Variants in LHPP observed in about 807,000 individuals in gnomAD.
The protein encoded by LHPP is phospholysine phosphohistidine inorganic pyrophosphate phosphatase, also known as hLHPP.
A neutral mutation model predicts 30.3 loss-of-function variants in LHPP; 24 were observed. That is an observed-to-expected ratio of 0.79 (90% confidence interval 0.57 to 1.11). The LOEUF (loss-of-function observed/expected upper bound fraction) is 1.11, where lower values mean the gene tolerates loss of function less well. Ranked by LOEUF, LHPP falls within the 50% of genes most tolerant of loss-of-function variation. The pLI is 0.00. For missense variants in LHPP, 356 were observed against 367.2 expected, an observed-to-expected ratio of 0.97 and a Z score of 0.25; for synonymous variants, 150 against 157.1, an observed-to-expected ratio of 0.95 and a Z score of 0.34.
Position 124,613,476 on chromosome 10 carries a change from C to T in LHPP, c.*116C>T, listed in dbSNP as rs556465458. On this transcript the variant is annotated 3_prime_UTR_variant, in exon 7 of 7. Coordinates refer to ENST00000368842, the MANE Select transcript of LHPP (RefSeq NM_022126.4). ...GAGAGCCCCACCTCCTCCACCCCTGCCTCTCCTCCACCCCTGCCTCCCCTC... is the reference window on the plus strand; with the variant it reads ...GAGAGCCCCACCTCCTCCACCCCTGTCTCTCCTCCACCCCTGCCTCCCCTC... 2,268 of 712,148 alleles carry T rather than the reference C, an allele frequency of 3.2e-3. 7 individuals carry two copies. Among genetic ancestry groups the T allele is most frequent in the Non-Finnish European group, 4.1e-3 (1,683 of 410,304 alleles). The allele number at this position is 712,148 out of a possible 1,614,324, so 44.1% of individuals were successfully genotyped here. A position where few individuals can be genotyped will look rare whatever the true frequency, so the allele number is the denominator to read the frequency against.
chr10:124,520,575 T>C (rs891799729), intron 6 of LHPP, among the ~76,000 whole-genome samples: 20 of 152,258 alleles, frequency 1.3e-4, no homozygotes, highest in Non-Finnish European at 2.8e-4. Context: ...CCTTTTGATT[T>C]GTTTGTAAGG....
intron 1 of LHPP, among the ~76,000 whole-genome samples, chr10:124,477,927 G>A (rs897861219): frequency 1.3e-5 from 2 of 152,084 alleles, no homozygotes; most frequent in South Asian, 4.2e-4. Context: ...TGGCCTGGGT[G>A]CTCACTGCCC....
chr10:124,576,529 GC>G lies in LHPP; in HGVS notation c.717-36730del, dbSNP rs1948665344. On this transcript the variant is annotated intron_variant, in intron 6 of 6. Coordinates refer to ENST00000368842, the MANE Select transcript of LHPP (RefSeq NM_022126.4). This position sits in a 1 kb window ranked among gnomAD's most constrained non-coding sequence, Gnocchi z 4.2. ...GTTCCCAGACCCCCCTCCATGGCCT[GC>G]CCCCAGATCCCCCTTTGCTGCCACC... 6.9e-6 allele frequency among the ~76,000 whole-genome samples: 1 copy of G among 145,290 alleles called. No individual in the cohort carries two copies. The highest frequency in any genetic ancestry group is 2.2e-4 in the South Asian group (1 of 4,482).
intron 6 of LHPP, chr10:124,613,022 C>G (rs1041382341): frequency 1.9e-5 from 11 of 564,900 alleles, no homozygotes; most frequent in Middle Eastern, 4.7e-4. Context: ...TGAGCAGGCT[C>G]CCCAGTGGGA....
chr10:124,565,803 G>A (rs1487689267), intron 6 of LHPP, among the ~76,000 whole-genome samples: 2 of 152,244 alleles, frequency 1.3e-5, no homozygotes, highest in Admixed American at 6.5e-5. Context: ...GCAGGGGGAA[G>A]GCTGGCGAGG....
chr10:124,522,724 C>CA (rs1554886527), intron 6 of LHPP, among the ~76,000 whole-genome samples: 11 of 73,878 alleles, frequency 1.5e-4, no homozygotes, highest in African/African-American at 4.7e-4. Flanking sequence ...GCTGCCCACG[C>CA]CCCCCCCCAA....
chr10:124,509,001 G>A (rs778530391), intron 5 of LHPP, among the ~76,000 whole-genome samples: 4 of 152,114 alleles, frequency 2.6e-5, no homozygotes, highest in Non-Finnish European at 5.9e-5. Flanking sequence ...ACCTGTTGGG[G>A]TAGTTTTTCA....
intron 6 of LHPP, among the ~76,000 whole-genome samples, chr10:124,531,384 A>G (rs961800992): frequency 6.6e-6 from 1 of 152,238 alleles, no homozygotes; most frequent in Non-Finnish European, 1.5e-5. Context: ...TCATTTTCAA[A>G]TAATTTTTCA....
intron 6 of LHPP, among the ~76,000 whole-genome samples, chr10:124,525,442 C>T (rs1378351628): frequency 1.3e-5 from 2 of 152,212 alleles, no homozygotes; most frequent in Non-Finnish European, 2.9e-5. Context: ...CCCTGTTGCT[C>T]CCCGCCCCGA....
chr10:124,529,499 G>A (rs1954831671), intron 6 of LHPP, among the ~76,000 whole-genome samples: 1 of 152,150 alleles, frequency 6.6e-6, no homozygotes, highest in African/African-American at 2.4e-5. Context: ...AGCCAGCCCT[G>A]TCAGTGGCAC....
Position 124,613,657 on chromosome 10 carries a change from C to T in LHPP, c.*297C>T. The stretch of plus-strand genomic sequence containing the variant: ...TGTAGTGAAGTCCAGGAGGGTGGGA[C>T]AGGCCTGTCAGGCCTCTGGGAATCT... On this transcript the variant is annotated 3_prime_UTR_variant, in exon 7 of 7. Coordinates refer to ENST00000368842, the MANE Select transcript of LHPP (RefSeq NM_022126.4). 2.1e-6 allele frequency: 1 copy of T among 473,420 alleles called. No homozygotes were observed. The highest frequency in any genetic ancestry group is 3.7e-5 in the East Asian group (1 of 27,068). 29.3% of individuals were successfully genotyped at this position (473,420 alleles called of 1,614,324 possible).
chr10:124,539,848 G>A (rs1478158777), intron 6 of LHPP, among the ~76,000 whole-genome samples: 1 of 152,044 alleles, frequency 6.6e-6, no homozygotes, highest in African/African-American at 2.4e-5. Context: ...GCTGCATTGA[G>A]CTGAGATTGC....
At chr10:124,501,601 TAAAAA>T (rs1046422221) in intron 5 of LHPP, among the ~76,000 whole-genome samples, 2 of 116,410 alleles carry the variant, frequency 1.7e-5, no homozygotes, top group African/African-American at 3.3e-5. Flanking sequence ...GACTCTGTCT[TAAAAA>T]AAAAAAAAAA....
At chr10:124,525,737 G>T (rs983393935) in intron 6 of LHPP, among the ~76,000 whole-genome samples, 2 of 152,216 alleles carry the variant, frequency 1.3e-5, no homozygotes, top group African/African-American at 2.4e-5. Flanking sequence ...GCCTTCTGTT[G>T]GCTGCTGGGG....
chr10:124,605,978 G>C (rs1949087148), intron 6 of LHPP, among the ~76,000 whole-genome samples: 1 of 152,150 alleles, frequency 6.6e-6, no homozygotes, highest in African/African-American at 2.4e-5. Context: ...CCAGCTGTGT[G>C]CCTCCGCTTC....
chr10:124,470,565 C>G (rs891078765), intron 1 of LHPP, among the ~76,000 whole-genome samples: 8 of 151,992 alleles, frequency 5.3e-5, no homozygotes, highest in Non-Finnish European at 1.2e-4. Flanking sequence ...GGTCCTGGCA[C>G]CCCAGTATCC....
intron 6 of LHPP, among the ~76,000 whole-genome samples, chr10:124,556,976 G>GAGACC (rs1948311716): frequency 6.6e-6 from 1 of 152,108 alleles, no homozygotes; most frequent in African/African-American, 2.4e-5. Flanking sequence ...TAACCAATCA[G>GAGACC]AGACCAGCCT....
At chr10:124,563,503 G>A (rs1408169716) in intron 6 of LHPP, among the ~76,000 whole-genome samples, 4 of 152,062 alleles carry the variant, frequency 2.6e-5, no homozygotes, top group African/African-American at 9.7e-5. Flanking sequence ...GTTGGATGGG[G>A]TGGGGCGGGG....
chr10:124,518,901 C>A (rs1270658429), intron 6 of LHPP, among the ~76,000 whole-genome samples: 3 of 152,202 alleles, frequency 2.0e-5, no homozygotes, highest in Non-Finnish European at 4.4e-5. Context: ...GGGCATCCCC[C>A]ATGACACTGT....
Sources: gnomAD v4.1 joint callset for allele counts (sites outside exome capture counted in the v4.1 genomes callset) on GRCh38, gnomAD v4.1.1 for gene constraint, Gnocchi (gnomAD v3.1) non-coding constraint, MANE v1.5 for transcripts, NCBI Gene and HGNC (gene_info 2026-07-23, HGNC 2026-07-21) for gene names.